The following TSPEAR variants were observed in gnomAD, a reference collection of about 807,000 sequenced individuals.
The protein encoded by TSPEAR is thrombospondin type laminin G domain and EAR repeats, also known as thrombospondin-type laminin G domain and EAR repeat-containing protein.
In TSPEAR, 69 loss-of-function variants were observed where a neutral mutation model predicts 71.6. That is an observed-to-expected ratio of 0.96 (90% CI 0.79 to 1.18). The LOEUF (loss-of-function observed/expected upper bound fraction) is 1.18. Ranked by LOEUF, TSPEAR falls within the 50% of genes most tolerant of loss-of-function variation. The pLI is 0.00. For synonymous variants in TSPEAR, 402 were observed against 387.2 expected, an observed-to-expected ratio of 1.04 and a Z score of -0.45; for missense variants, 971 against 894.9, an observed-to-expected ratio of 1.09 and a Z score of -1.09.
At position 44,540,096 on chromosome 21, in the gene TSPEAR, C is replaced by G; in HGVS notation, c.304-6173G>C. 1.2e-6 allele frequency: 2 copies of G among 1,613,774 alleles called. No homozygotes were observed. The highest frequency in any genetic ancestry group is 8.5e-7 in the Non-Finnish European group (1 of 1,179,958). On this transcript the variant is annotated intron_variant, in intron 2 of 11. Coordinates refer to ENST00000323084, the MANE Select transcript of TSPEAR (RefSeq NM_144991.3). ...CAGCAGCTCTCTGGGCAGGCATCCA[C>G]CTGCCAGGAGTCGGAGCAAGCGCTG...
intron 1 of TSPEAR, among the ~76,000 whole-genome samples, chr21:44,599,729 T>C (rs1980649558): frequency 6.6e-6 from 1 of 152,222 alleles, no homozygotes; most frequent in African/African-American, 2.4e-5. Context: ...TTGGATATTA[T>C]TTGCAGAAGA....
chr21:44,630,240 G>T (rs1010923753), intron 1 of TSPEAR, among the ~76,000 whole-genome samples: 5 of 152,202 alleles, frequency 3.3e-5, no homozygotes, highest in Non-Finnish European at 7.3e-5. Flanking sequence ...ACAGAACAAG[G>T]CAGGAGAGGA....
Position 44,627,361 on chromosome 21 carries a change from C to A in TSPEAR, c.83-59356G>T, listed in dbSNP as rs782757207. On this transcript the variant is annotated intron_variant, in intron 1 of 11. Transcript: ENST00000323084. ...CCCCTGCTGCCAGGTGACCTGTGAG[C>A]CCAGCCCCTGCCAATCAGGCTGCAC... is the stretch of plus-strand genomic sequence containing the variant. 7.4e-6 allele frequency: 12 copies of A among 1,613,440 alleles called. No individual in the cohort carries two copies. Among genetic ancestry groups the A allele is most frequent in the African/African-American group, 1.3e-5 (1 of 74,904 alleles).
chr21:44,556,245 G>A (rs191758819), intron 2 of TSPEAR, among the ~76,000 whole-genome samples: 160 of 151,806 alleles, frequency 1.1e-3, no homozygotes, highest in Middle Eastern at 6.8e-3. Flanking sequence ...GTGTGGTGGT[G>A]CACACCTGTA....
chr21:44,644,981 T>C (rs1555939192), intron 1 of TSPEAR, among the ~76,000 whole-genome samples: 1 of 152,110 alleles, frequency 6.6e-6, no homozygotes, highest in Admixed American at 6.5e-5. Flanking sequence ...TATCAGACTG[T>C]CATCGGCAAC....
chr21:44,692,976 A>G (rs1325823009), intron 1 of TSPEAR, among the ~76,000 whole-genome samples: 1 of 152,206 alleles, frequency 6.6e-6, no homozygotes, highest in Non-Finnish European at 1.5e-5. Context: ...AAGCTACAGT[A>G]ATCAAAACAG....
intron 1 of TSPEAR, among the ~76,000 whole-genome samples, chr21:44,615,998 G>T (rs1982067770): frequency 6.6e-6 from 1 of 152,152 alleles, no homozygotes. Context: ...TGAGCAACAG[G>T]GTGTCCCCAC....
chr21:44,694,080 T>C (rs527815613), intron 1 of TSPEAR, among the ~76,000 whole-genome samples: 1 of 152,204 alleles, frequency 6.6e-6, no homozygotes, highest in African/African-American at 2.4e-5. Context: ...AATAAAGCTA[T>C]TCATTCATGG....
chr21:44,590,003 A>G (rs929885694), intron 1 of TSPEAR, among the ~76,000 whole-genome samples: 7 of 152,158 alleles, frequency 4.6e-5, no homozygotes, highest in African/African-American at 1.7e-4. Context: ...GCTTCCAAGG[A>G]GGTGGACAAG....
chr21:44,693,993 C>T (rs1291265270), intron 1 of TSPEAR, among the ~76,000 whole-genome samples: 1 of 152,154 alleles, frequency 6.6e-6, no homozygotes, highest in Non-Finnish European at 1.5e-5. Context: ...AAACCTACTG[C>T]AAAGCTACAG....
At chr21:44,596,964 C>G (rs1487395555) in intron 1 of TSPEAR, among the ~76,000 whole-genome samples, 1 of 152,096 alleles carries the variant, frequency 6.6e-6, no homozygotes, top group East Asian at 1.9e-4. Flanking sequence ...TGTTTTCTCT[C>G]CTGCAATTTA....
intron 1 of TSPEAR, among the ~76,000 whole-genome samples, chr21:44,633,445 C>T (rs1422390622): frequency 3.3e-5 from 5 of 152,268 alleles, no homozygotes; most frequent in Middle Eastern, 6.8e-3. Flanking sequence ...TCATTTATCC[C>T]ATAGTATTTT....
chr21:44,683,583 C>T (rs1986717587), intron 1 of TSPEAR, among the ~76,000 whole-genome samples: 1 of 152,098 alleles, frequency 6.6e-6, no homozygotes, highest in African/African-American at 2.4e-5. Context: ...GCAGGAGGGT[C>T]TATTGAGCCT....
At chr21:44,531,371 T>C (rs587741844) in intron 3 of TSPEAR, among the ~76,000 whole-genome samples, 18 of 152,340 alleles carry the variant, frequency 1.2e-4, no homozygotes, top group African/African-American at 3.6e-4. Flanking sequence ...ACTCATCAGC[T>C]TCTGGTGGCT....
At position 44,687,861 on chromosome 21, in the gene TSPEAR, G is replaced by A. The variant is rs890620131; in HGVS notation, c.82+23572C>T. 1.3e-5 allele frequency among the ~76,000 whole-genome samples: 2 copies of A among 152,188 alleles called. No individual in the cohort carries two copies. The highest frequency in any genetic ancestry group is 2.9e-5 in the Non-Finnish European group (2 of 68,044). ...AATGCTGAACTCGAGTTAATGGCAGGTTGCTGCAGTGTGTGAGTGAAGTGT... is the reference window on the plus strand; with the variant it reads ...AATGCTGAACTCGAGTTAATGGCAGATTGCTGCAGTGTGTGAGTGAAGTGT... On this transcript the variant is annotated intron_variant, in intron 1 of 11. Transcript: ENST00000323084. The surrounding 1 kb of genome is among the most constrained non-coding windows in gnomAD (Gnocchi z 4.4).
chr21:44,514,853 G>A (rs587645125), intron 9 of TSPEAR, among the ~76,000 whole-genome samples: 2 of 152,160 alleles, frequency 1.3e-5, no homozygotes, highest in Admixed American at 1.3e-4. Context: ...CTTCCCCAGG[G>A]TGGGCAGCCA....
intron 1 of TSPEAR, chr21:44,677,746 C>A: frequency 7.3e-7 from 1 of 1,366,578 alleles, no homozygotes. Context: ...ACTTCTGATA[C>A]ACTAGAGATT....
At chr21:44,658,591 A>G (rs1985311327) in intron 1 of TSPEAR, among the ~76,000 whole-genome samples, 1 of 152,148 alleles carries the variant, frequency 6.6e-6, no homozygotes, top group Non-Finnish European at 1.5e-5. Context: ...TTGAAGGTAC[A>G]TACCAACTTC....
intron 9 of TSPEAR, chr21:44,518,228 T>C: frequency 2.3e-6 from 1 of 437,652 alleles, no homozygotes; most frequent in Non-Finnish European, 4.6e-6. Flanking sequence ...TCAGTTTCTT[T>C]CAGCCTTTTT....
Sources: allele counts gnomAD v4.1 joint callset (sites outside exome capture counted in the v4.1 genomes callset), GRCh38; gene constraint gnomAD v4.1.1; non-coding constraint Gnocchi (gnomAD v3.1); transcripts MANE v1.5; gene names NCBI Gene and HGNC (gene_info 2026-07-23, HGNC 2026-07-21).